The following DYNC1I1 variants were observed in gnomAD, a reference collection of about 807,000 sequenced individuals.
The protein encoded by DYNC1I1 is cytoplasmic dynein 1 intermediate chain 1.
DYNC1I1 carries 43 observed loss-of-function variants against 86.6 expected under a neutral mutation model. The observed-to-expected ratio is 0.50, with a 90% CI of 0.39 to 0.64. DYNC1I1 has a LOEUF of 0.64. Among genes scored for constraint, DYNC1I1 ranks in the 30% least tolerant of loss-of-function variants. The pLI is 0.00. For synonymous variants in DYNC1I1, 262 were observed against 283.7 expected (o/e 0.92, Z 0.77); for missense variants, 604 against 788.8 (o/e 0.77, Z 2.81).
chr7:96,005,120 C>G (rs986163584), intron 10 of DYNC1I1, among the ~76,000 whole-genome samples: 11 of 152,134 alleles, frequency 7.2e-5, no homozygotes, highest in Admixed American at 7.2e-4. Flanking sequence ...CATATCCAAT[C>G]AGTTTGTATG....
At chr7:95,945,206 A>T (rs992604524) in intron 6 of DYNC1I1, among the ~76,000 whole-genome samples, 6 of 151,960 alleles carry the variant, frequency 3.9e-5, no homozygotes, top group Non-Finnish European at 8.8e-5. Flanking sequence ...ATGTATTTGG[A>T]GGTAGAGGGG....
chr7:95,927,911 G>A (rs1028230823), intron 6 of DYNC1I1, among the ~76,000 whole-genome samples: 26 of 152,074 alleles, frequency 1.7e-4, no homozygotes, highest in Non-Finnish European at 1.8e-4. Flanking sequence ...CCAAACCACC[G>A]CATAATTTCA....
chr7:95,909,034 G>T (rs552835995), intron 6 of DYNC1I1, among the ~76,000 whole-genome samples: 2 of 151,850 alleles, frequency 1.3e-5, no homozygotes, highest in African/African-American at 2.4e-5. Flanking sequence ...GACTGTGTTT[G>T]TTCCTGGAAC....
intron 4 of DYNC1I1, among the ~76,000 whole-genome samples, chr7:95,817,438 CTACCCCATAAGGTTA>C (rs1794972461): frequency 1.3e-5 from 2 of 152,116 alleles, no homozygotes; most frequent in Non-Finnish European, 2.9e-5. Flanking sequence ...GATACACAAC[CTACCCCATAAGGTTA>C]TTGTGAGGAT....
intron 16 of DYNC1I1, among the ~76,000 whole-genome samples, chr7:96,095,213 A>G (rs1054037581): frequency 8.5e-4 from 130 of 152,296 alleles, no homozygotes; most frequent in African/African-American, 2.3e-3. Context: ...AATTTTATAT[A>G]GTGTAAATGA....
chr7:96,061,137 G>C (rs1420601676), intron 14 of DYNC1I1, among the ~76,000 whole-genome samples: 2 of 152,332 alleles, frequency 1.3e-5, no homozygotes, highest in Non-Finnish European at 2.9e-5. Flanking sequence ...TGCGTTCAGT[G>C]TGTGGAGGAG....
chr7:95,814,784 A>G (rs990367769), intron 4 of DYNC1I1, among the ~76,000 whole-genome samples: 8 of 152,100 alleles, frequency 5.3e-5, no homozygotes, highest in Admixed American at 2.0e-4. Flanking sequence ...CACTGCTTTC[A>G]ATTAAAAAAA....
intron 5 of DYNC1I1, among the ~76,000 whole-genome samples, chr7:95,839,321 G>A (rs559753317): frequency 3.3e-5 from 5 of 152,144 alleles, no homozygotes; most frequent in Non-Finnish European, 5.9e-5. Context: ...GTGAGCCACT[G>A]CACCCAGCCT....
intron 1 of DYNC1I1, among the ~76,000 whole-genome samples, chr7:95,799,371 T>C (rs1794523138): frequency 6.6e-6 from 1 of 151,978 alleles, no homozygotes; most frequent in Non-Finnish European, 1.5e-5. Flanking sequence ...AGAGCAAGAC[T>C]CTGTCCCAGA....
At chr7:95,836,319 G>A (rs1381600258) in intron 5 of DYNC1I1, among the ~76,000 whole-genome samples, 1 of 152,116 alleles carries the variant, frequency 6.6e-6, no homozygotes, top group Non-Finnish European at 1.5e-5. Flanking sequence ...GTCTTGTAGG[G>A]TTTCTGCCGA....
chr7:96,084,317 C>CGG (rs1554444379), intron 16 of DYNC1I1, among the ~76,000 whole-genome samples: 3 of 27,222 alleles, frequency 1.1e-4, no homozygotes, highest in Non-Finnish European at 1.7e-4. Context: ...TGAGGCAAAT[C>CGG]AGAAAAAAAA....
chr7:96,089,324 G>A (rs1398204926), intron 16 of DYNC1I1, among the ~76,000 whole-genome samples: 2 of 151,982 alleles, frequency 1.3e-5, no homozygotes, highest in Non-Finnish European at 2.9e-5. Context: ...CAATAACCCA[G>A]TCTAGCAAAG....
chr7:96,011,678 A>C (rs536748977), intron 10 of DYNC1I1, among the ~76,000 whole-genome samples: 2 of 152,234 alleles, frequency 1.3e-5, no homozygotes, highest in Non-Finnish European at 2.9e-5. Context: ...AACAACTCAC[A>C]TAGAAAATTT....
intron 1 of DYNC1I1, among the ~76,000 whole-genome samples, chr7:95,796,149 A>G (rs1794430561): frequency 6.6e-6 from 1 of 152,188 alleles, no homozygotes; most frequent in South Asian, 2.1e-4. Context: ...TTCACTTTAC[A>G]ACCAGGCTAA....
intron 5 of DYNC1I1, among the ~76,000 whole-genome samples, chr7:95,860,464 G>A (rs1562925442): frequency 6.6e-6 from 1 of 152,204 alleles, no homozygotes; most frequent in Non-Finnish European, 1.5e-5. Context: ...ATCTGACGAT[G>A]AAATATCGTG....
At position 96,039,420 on chromosome 7, in the gene DYNC1I1, A is replaced by G; in HGVS notation, c.1508A>G (p.Lys503Arg). The G allele has an allele frequency of 4.3e-6, 7 of 1,613,990 alleles. No homozygotes were observed. Among genetic ancestry groups the G allele is most frequent in the Non-Finnish European group, 5.1e-6 (6 of 1,179,930 alleles). ...FDWTVKLWTT[K>R]HNKPLYSFED... ...TGGACTGTCAAACTGTGGACCACCA[A>G]GGTAAGAATATCTTGACTGAAATTC... Residue 503 changes from lysine to arginine, a missense_variant and splice_region_variant, in exon 14 of 17, where the codon AAG becomes AGG. Lys to Arg is a conservative substitution (Grantham distance 26, BLOSUM62 2). Coordinates refer to ENST00000447467, the MANE Select transcript of DYNC1I1 (RefSeq NM_001135556.2).
chr7:96,082,460 C>G (rs1468910251), intron 16 of DYNC1I1, among the ~76,000 whole-genome samples: 2 of 152,110 alleles, frequency 1.3e-5, no homozygotes. Flanking sequence ...ATCTCCTTTG[C>G]ATACACATAA....
intron 16 of DYNC1I1, among the ~76,000 whole-genome samples, chr7:96,090,258 T>TGTTGTTG (rs200082803): frequency 3.8e-4 from 57 of 151,912 alleles, no homozygotes; most frequent in East Asian, 3.3e-3. Flanking sequence ...TTGTTGTTGT[T>TGTTGTTG]TTGTTGTTGT....
At chr7:95,932,625 T>G (rs1428580059) in intron 6 of DYNC1I1, among the ~76,000 whole-genome samples, 1 of 152,156 alleles carries the variant, frequency 6.6e-6, no homozygotes, top group Admixed American at 6.5e-5. Context: ...ATGTCAAGCT[T>G]CTAGGAACTT....
Sources: allele counts gnomAD v4.1 joint callset (sites outside exome capture counted in the v4.1 genomes callset), GRCh38; gene constraint gnomAD v4.1.1; transcripts MANE v1.5; gene names NCBI Gene and HGNC (gene_info 2026-07-23, HGNC 2026-07-21).